KSR1: variants seen among roughly 807,000 people sequenced by gnomAD.
The protein encoded by KSR1 is kinase suppressor of ras 1.
A neutral mutation model predicts 92.9 loss-of-function variants in KSR1; 35 were observed. The ratio of observed to expected loss-of-function variants is 0.38; its 90% CI spans 0.29 to 0.50. The LOEUF is 0.50. Among genes scored for constraint, KSR1 ranks in the 20% least tolerant of loss-of-function variants. KSR1 has a pLI of 0.94. For synonymous variants in KSR1, 467 were observed against 472.6 expected, an observed-to-expected ratio of 0.99 and a Z score of 0.15; for missense variants, 972 against 1,158.5, an observed-to-expected ratio of 0.84 and a Z score of 2.34.
At chr17:27,540,439 T>C (rs1320285696) in intron 1 of KSR1, among the ~76,000 whole-genome samples, 1 of 152,230 alleles carries the variant, frequency 6.6e-6, no homozygotes. Flanking sequence ...ACTTGTGGTC[T>C]GGGTTAGACT....
At chr17:27,584,223 C>G (rs577726250) in intron 4 of KSR1, among the ~76,000 whole-genome samples, 5 of 152,112 alleles carry the variant, frequency 3.3e-5, no homozygotes, top group Non-Finnish European at 7.3e-5. Flanking sequence ...GCCAAAAGGC[C>G]GAGAAGCAAT....
chr17:27,557,079 G>C (rs1443590060), intron 2 of KSR1, among the ~76,000 whole-genome samples: 1 of 152,128 alleles, frequency 6.6e-6, no homozygotes, highest in African/African-American at 2.4e-5. Context: ...GTCAAGCTTC[G>C]GGAGGGACCT....
intron 10 of KSR1, among the ~76,000 whole-genome samples, chr17:27,600,082 A>G (rs1598119602): frequency 1.3e-5 from 2 of 150,084 alleles, no homozygotes; most frequent in African/African-American, 4.9e-5. Flanking sequence ...AGGCTAGTTT[A>G]CAGATAACTT....
chr17:27,534,489 A>G (rs1297976821), intron 1 of KSR1, among the ~76,000 whole-genome samples: 1 of 152,224 alleles, frequency 6.6e-6, no homozygotes, highest in African/African-American at 2.4e-5. Context: ...CAGATAAGGA[A>G]ACTGAGGCAG....
chr17:27,536,109 G>C (rs2070742433), intron 1 of KSR1, among the ~76,000 whole-genome samples: 1 of 152,216 alleles, frequency 6.6e-6, no homozygotes, highest in Non-Finnish European at 1.5e-5. Flanking sequence ...CTGTCTGGGA[G>C]ACAGGGCAGG....
chr17:27,605,323 C>T (rs972188767), intron 13 of KSR1, 111 bp from the exon 14 acceptor site: 1 of 1,414,240 alleles, frequency 7.1e-7, no homozygotes, highest in Non-Finnish European at 9.4e-7. Context: ...CCTGGGTCCC[C>T]TGGCAGGATG....
At chr17:27,588,643 G>A (rs1327538471) in intron 6 of KSR1, 108 bp downstream of exon 6, 20 of 1,007,744 alleles carry the variant, frequency 2.0e-5, no homozygotes, top group Middle Eastern at 3.1e-4. Flanking sequence ...CCTCTGACGG[G>A]CCTGTCCATT....
intron 1 of KSR1, among the ~76,000 whole-genome samples, chr17:27,493,156 T>G (rs2068877147): frequency 1.3e-5 from 2 of 152,214 alleles, no homozygotes; most frequent in African/African-American, 4.8e-5. Context: ...TTAATCCTCG[T>G]GAAACCCTAT....
At chr17:27,615,014 T>C (rs1435794750) in intron 18 of KSR1, among the ~76,000 whole-genome samples, 3 of 152,230 alleles carry the variant, frequency 2.0e-5, no homozygotes, top group Non-Finnish European at 4.4e-5. Flanking sequence ...AGGCACTGCT[T>C]TATGTGCTGA....
chr17:27,576,253 T>C lies in KSR1; in HGVS notation c.373-1239T>C, dbSNP rs553346738. On this transcript the variant is annotated intron_variant, in intron 2 of 20. Transcript: ENST00000644974. ...CTGTATATAGTAATACCCCCTTTTC[T>C]GTAGGGGATATGTTCCAGGACCCTC... Among the ~76,000 whole-genome samples the C allele has an allele frequency of 2.2e-3, 337 of 152,298 alleles. 3 individuals carry two copies. Among genetic ancestry groups the C allele is most frequent in the African/African-American group, 7.9e-3 (329 of 41,570 alleles).
At chr17:27,506,068 C>A (rs56214005) in intron 1 of KSR1, among the ~76,000 whole-genome samples, 1 of 152,012 alleles carries the variant, frequency 6.6e-6, no homozygotes, top group Non-Finnish European at 1.5e-5. Context: ...GGTTCAGGGC[C>A]CCCACCTAAC....
intron 15 of KSR1, among the ~76,000 whole-genome samples, chr17:27,608,860 T>A (rs1446505089): frequency 2.6e-5 from 4 of 152,192 alleles, no homozygotes; most frequent in Non-Finnish European, 5.9e-5. Flanking sequence ...TGTACACTGA[T>A]AAATCTCACT....
chr17:27,489,160 G>T (rs950665221), intron 1 of KSR1, among the ~76,000 whole-genome samples: 1 of 152,208 alleles, frequency 6.6e-6, no homozygotes, highest in South Asian at 2.1e-4. Context: ...CTCTCTGGAA[G>T]CCCCTGGGGG....
intron 13 of KSR1, 38 bp downstream of exon 13, chr17:27,604,766 C>T (rs765969145): frequency 5.0e-6 from 8 of 1,607,412 alleles, no homozygotes; most frequent in Middle Eastern, 3.3e-4. Context: ...ATGGCCCCCC[C>T]TCTTTTTTCC....
At chr17:27,547,858 G>C (rs757208929) in intron 1 of KSR1, among the ~76,000 whole-genome samples, 1 of 152,048 alleles carries the variant, frequency 6.6e-6, no homozygotes, top group Non-Finnish European at 1.5e-5. Flanking sequence ...GATTACCGGC[G>C]TGTGCCACCA....
At chr17:27,481,862 T>G (rs2068521868) in intron 1 of KSR1, among the ~76,000 whole-genome samples, 1 of 152,220 alleles carries the variant, frequency 6.6e-6, no homozygotes, top group African/African-American at 2.4e-5. Flanking sequence ...ATACCAGAAC[T>G]GTAGATTTTA....
rs770920627 is a variant in KSR1 at position 27,547,967 on chromosome 17, C to T, written c.232-2601C>T. ...ATTTTAAGTGATCCACCTGCCTTGG[C>T]GTCCCAAAGTGCTGGGATTACAGGC... is the stretch of plus-strand genomic sequence containing the variant. On this transcript the variant is annotated intron_variant, in intron 1 of 20. Coordinates refer to ENST00000644974, the MANE Select transcript of KSR1 (RefSeq NM_001394583.1). Among the ~76,000 whole-genome samples the T allele has an allele frequency of 1.6e-3, 241 of 152,302 alleles. 1 individual carries two copies. Among genetic ancestry groups the T allele is most frequent in the Admixed American group, 4.7e-3 (72 of 15,296 alleles).
At chr17:27,536,910 C>A (rs994498440) in intron 1 of KSR1, among the ~76,000 whole-genome samples, 32 of 152,186 alleles carry the variant, frequency 2.1e-4, no homozygotes, top group African/African-American at 7.5e-4. Context: ...GGAAATAGAC[C>A]TCTAGATTGG....
intron 9 of KSR1, among the ~76,000 whole-genome samples, chr17:27,594,379 T>G (rs1381422723): frequency 6.6e-6 from 1 of 151,734 alleles, no homozygotes; most frequent in Admixed American, 6.6e-5. Context: ...CCCCTGCCTC[T>G]CCTCTCCAGC....
Sources: allele counts gnomAD v4.1 joint callset (sites outside exome capture counted in the v4.1 genomes callset), GRCh38; gene constraint gnomAD v4.1.1; transcripts MANE v1.5; gene names NCBI Gene and HGNC (gene_info 2026-07-23, HGNC 2026-07-21).